The following SLC2A13 variants were observed in gnomAD, a reference collection of about 807,000 sequenced individuals.
SLC2A13 encodes the protein solute carrier family 2 member 13.
A neutral mutation model predicts 64.4 loss-of-function variants in SLC2A13; 32 were observed. That is an observed-to-expected ratio of 0.50 (90% CI 0.37 to 0.67). The LOEUF (loss-of-function observed/expected upper bound fraction) is 0.67. Ranked by LOEUF, SLC2A13 falls within the 30% of genes least tolerant of loss-of-function variation. The pLI is 0.00. For synonymous variants in SLC2A13, 338 were observed against 327.1 expected, an observed-to-expected ratio of 1.03 and a Z score of -0.36; for missense variants, 743 against 829.2, an observed-to-expected ratio of 0.90 and a Z score of 1.28.
intron 3 of SLC2A13, among the ~76,000 whole-genome samples, chr12:40,008,295 T>C (rs946238369): frequency 1.3e-5 from 2 of 152,096 alleles, no homozygotes; most frequent in Non-Finnish European, 2.9e-5. Flanking sequence ...AGGGTCAAGA[T>C]ACCAAATGTT....
chr12:40,105,818 G>C lies in SLC2A13; in HGVS notation c.-10C>G, dbSNP rs1454023819. 1.4e-6 allele frequency: 2 copies of C among 1,421,752 alleles called. No homozygotes were observed. The highest frequency in any genetic ancestry group is 1.5e-5 in the South Asian group (1 of 66,184). The allele number at this position is 1,421,752 out of a possible 1,614,324, so 88.1% of individuals were successfully genotyped here. ...TTGCCTTGCGGGACATAGGGCAGGGGCCCGGGGCTGCCCGGGGGGACGCGG... is the reference window on the plus strand; with the variant it reads ...TTGCCTTGCGGGACATAGGGCAGGGCCCCGGGGCTGCCCGGGGGGACGCGG... On this transcript the variant is annotated 5_prime_UTR_variant, in exon 1 of 10. Transcript: ENST00000280871. This position sits in a 1 kb window ranked among gnomAD's most constrained non-coding sequence, Gnocchi z 4.2.
chr12:40,020,054 A>G (rs1947686863), intron 3 of SLC2A13, among the ~76,000 whole-genome samples: 1 of 152,184 alleles, frequency 6.6e-6, no homozygotes, highest in African/African-American at 2.4e-5. Flanking sequence ...AGAGGGCCTC[A>G]GGTAAGAGGA....
intron 7 of SLC2A13, among the ~76,000 whole-genome samples, chr12:39,784,433 C>G (rs1371573495): frequency 6.6e-6 from 1 of 152,164 alleles, no homozygotes; most frequent in Non-Finnish European, 1.5e-5. Context: ...CATCTACAAC[C>G]ATCTGATCTT....
intron 4 of SLC2A13, among the ~76,000 whole-genome samples, chr12:39,919,422 T>G (rs962909366): frequency 1.3e-5 from 2 of 152,116 alleles, no homozygotes; most frequent in African/African-American, 4.8e-5. Context: ...CAGAGGTATG[T>G]TGTAAAATGA....
At chr12:39,872,105 A>AATTCAT in intron 4 of SLC2A13, 144 bp from the exon 5 acceptor site, 8 of 619,664 alleles carry the variant, frequency 1.3e-5, no homozygotes, top group Non-Finnish European at 2.0e-5. Flanking sequence ...AATTCATGCA[A>AATTCAT]GCTGTTGAAA....
intron 1 of SLC2A13, among the ~76,000 whole-genome samples, chr12:40,093,839 G>A (rs1173180706): frequency 1.3e-5 from 2 of 152,268 alleles, no homozygotes; most frequent in East Asian, 1.9e-4. Context: ...ATCCCATGGG[G>A]TGCTGCAGAC....
In SLC2A13 at chr12:40,105,222, C is replaced by T. The variant is rs936834375; in HGVS notation, c.556+31G>A. ...GGGTCAAGGGCGGTGACAATGGGAT[C>T]CCGGGCGCCCTTCACGGAGCCCGAA... On this transcript the variant is annotated intron_variant, in intron 1 of 9. Coordinates refer to ENST00000280871, the MANE Select transcript of SLC2A13 (RefSeq NM_052885.4). The surrounding 1 kb of genome is among the most constrained non-coding windows in gnomAD (Gnocchi z 4.2). 3 of 1,528,018 alleles carry T rather than the reference C, an allele frequency of 2.0e-6. No homozygotes were observed. Among genetic ancestry groups the T allele is most frequent in the Admixed American group, 2.0e-5 (1 of 49,722 alleles). The allele number at this position is 1,528,018 out of a possible 1,614,324, so 94.7% of individuals were successfully genotyped here.
In SLC2A13 at chr12:40,027,700, G is replaced by A. The variant is rs561070701; in HGVS notation, c.925+601C>T. 5.3e-5 allele frequency among the ~76,000 whole-genome samples: 8 copies of A among 152,284 alleles called. No individual in the cohort carries two copies. The South Asian group carries it at 1.7e-3, about 32-fold the overall frequency. On this transcript the variant is annotated intron_variant, in intron 3 of 9. Transcript: ENST00000280871. Reference sequence around the variant, plus strand: ...GCGCAAGAGAAAATAAGACCAATTTGGGAAATGTGAAGTGAGCAGGCTAAT... The same window carrying A: ...GCGCAAGAGAAAATAAGACCAATTTAGGAAATGTGAAGTGAGCAGGCTAAT...
intron 7 of SLC2A13, among the ~76,000 whole-genome samples, chr12:39,779,666 T>C (rs1055077415): frequency 3.3e-5 from 5 of 152,250 alleles, no homozygotes; most frequent in Non-Finnish European, 7.3e-5. Context: ...GACATATATT[T>C]GCTGTTGAAA....
At chr12:39,947,039 T>C (rs1365993224) in intron 4 of SLC2A13, among the ~76,000 whole-genome samples, 1 of 152,188 alleles carries the variant, frequency 6.6e-6, no homozygotes, top group Non-Finnish European at 1.5e-5. Flanking sequence ...TTTCTGCTGC[T>C]TCCTCTACCC....
At chr12:40,007,542 TC>T (rs1237750387) in intron 3 of SLC2A13, among the ~76,000 whole-genome samples, 3 of 152,106 alleles carry the variant, frequency 2.0e-5, no homozygotes, top group African/African-American at 4.8e-5. Flanking sequence ...TTAAGCATAA[TC>T]CCAGAACTAG....
chr12:39,989,032 C>G (rs903847492), intron 3 of SLC2A13, among the ~76,000 whole-genome samples: 1 of 152,174 alleles, frequency 6.6e-6, no homozygotes, highest in African/African-American at 2.4e-5. Context: ...ACTCTGAGCG[C>G]AGGAGCCAGA....
chr12:39,875,343 C>T (rs1167608161), intron 4 of SLC2A13, among the ~76,000 whole-genome samples: 17 of 152,218 alleles, frequency 1.1e-4, no homozygotes, highest in Admixed American at 1.1e-3. Flanking sequence ...AAGTCCCTCT[C>T]ATGCTACTTC....
chr12:40,011,021 C>T (rs1299593969), intron 3 of SLC2A13, among the ~76,000 whole-genome samples: 2 of 152,172 alleles, frequency 1.3e-5, no homozygotes, highest in Non-Finnish European at 2.9e-5. Context: ...ACACTTCCTA[C>T]TCACCAGCTT....
At chr12:39,813,124 C>A (rs555953602) in intron 7 of SLC2A13, among the ~76,000 whole-genome samples, 2 of 145,474 alleles carry the variant, frequency 1.4e-5, no homozygotes, top group African/African-American at 5.1e-5. Flanking sequence ...GGATTACAGG[C>A]GTGACCCACT....
chr12:39,897,653 TTTTTA>T (rs1407174987), intron 4 of SLC2A13, among the ~76,000 whole-genome samples: 4 of 152,156 alleles, frequency 2.6e-5, no homozygotes, highest in African/African-American at 4.8e-5. Flanking sequence ...GAAGGTGAAT[TTTTTA>T]TTTTATTTAA....
At chr12:39,949,937 C>T (rs564862275) in intron 4 of SLC2A13, 2 of 152,232 alleles carry the variant, frequency 1.3e-5, no homozygotes, top group East Asian at 1.9e-4. Flanking sequence ...AGCAATCAAA[C>T]GTGCCTGGCA....
intron 3 of SLC2A13, among the ~76,000 whole-genome samples, chr12:39,956,895 A>G (rs1946323617): frequency 6.6e-6 from 1 of 152,150 alleles, no homozygotes; most frequent in East Asian, 1.9e-4. Context: ...GCCCCTGTGG[A>G]GAAAGCAGGG....
chr12:39,961,163 T>C (rs1946406343), intron 3 of SLC2A13, among the ~76,000 whole-genome samples: 1 of 152,016 alleles, frequency 6.6e-6, no homozygotes, highest in Admixed American at 6.5e-5. Flanking sequence ...CTGCAACCTC[T>C]GCCTCTTGGG....
Sources: gnomAD v4.1 joint callset for allele counts (sites outside exome capture counted in the v4.1 genomes callset) on GRCh38, gnomAD v4.1.1 for gene constraint, Gnocchi (gnomAD v3.1) non-coding constraint, MANE v1.5 for transcripts, NCBI Gene and HGNC (gene_info 2026-07-23, HGNC 2026-07-21) for gene names.